ATOSA: variants seen among roughly 807,000 people sequenced by gnomAD.
ATOSA encodes atos homolog protein A.
the ATOSA span, among the ~76,000 whole-genome samples, chr15:52,661,816 T>C: frequency 6.6e-6 from 1 of 151,878 alleles, no homozygotes; most frequent in Non-Finnish European, 1.5e-5. Flanking sequence ...GGCATAGGTA[T>C]GTTCTTTACT....
the ATOSA span, among the ~76,000 whole-genome samples, chr15:52,602,307 T>C: frequency 6.6e-6 from 1 of 152,222 alleles, no homozygotes. Context: ...CTAAATTCCC[T>C]ATCTTTGCCT....
the ATOSA span, among the ~76,000 whole-genome samples, chr15:52,695,535 A>G: frequency 2.6e-5 from 4 of 152,318 alleles, 1 homozygote; most frequent in South Asian, 2.1e-4. Flanking sequence ...TCTATTGAGC[A>G]TCTACTTTGC....
At chr15:52,587,405 T>C in the ATOSA span, 23 of 513,588 alleles carry the variant, frequency 4.5e-5, no homozygotes, top group South Asian at 6.0e-4. Flanking sequence ...CTGTTCCTCC[T>C]GGTGATGTCG....
At chr15:52,701,945 T>C in the ATOSA span, among the ~76,000 whole-genome samples, 4 of 151,668 alleles carry the variant, frequency 2.6e-5, no homozygotes, top group Non-Finnish European at 5.9e-5. Context: ...ACTAAAAAAA[T>C]AAATTTTAAA....
chr15:52,586,845 G>T, the ATOSA span: 430 of 217,048 alleles, frequency 2.0e-3, 3 homozygotes, highest in East Asian at 0.023. Flanking sequence ...TCTCAATTTG[G>T]TTTATTAAAA....
At chr15:52,691,752 T>G in the ATOSA span, among the ~76,000 whole-genome samples, 315 of 152,194 alleles carry the variant, frequency 2.1e-3, 5 homozygotes, top group East Asian at 0.013. Context: ...GGAGGATCAC[T>G]TGAGCCCGGG....
the ATOSA span, among the ~76,000 whole-genome samples, chr15:52,635,158 C>G: frequency 6.6e-6 from 1 of 152,050 alleles, no homozygotes; most frequent in African/African-American, 2.4e-5. Flanking sequence ...AAGCAAAGAC[C>G]AATGGAATTT....
chr15:52,641,864 T>C, the ATOSA span, among the ~76,000 whole-genome samples: 1 of 152,216 alleles, frequency 6.6e-6, no homozygotes, highest in Non-Finnish European at 1.5e-5. Flanking sequence ...TTGATAAAGA[T>C]AACAATCAAG....
At chr15:52,643,157 T>G in the ATOSA span, among the ~76,000 whole-genome samples, 3 of 152,250 alleles carry the variant, frequency 2.0e-5, no homozygotes, top group Admixed American at 2.0e-4. Flanking sequence ...ATGAAAAAAT[T>G]TTGTGGTCAG....
the ATOSA span, among the ~76,000 whole-genome samples, chr15:52,646,695 A>G: frequency 6.6e-6 from 1 of 152,224 alleles, no homozygotes; most frequent in South Asian, 2.1e-4. Flanking sequence ...AGTTGCATCC[A>G]GTCTGTTTTA....
the ATOSA span, chr15:52,608,445 T>C: frequency 1.1e-6 from 1 of 903,570 alleles, no homozygotes; most frequent in East Asian, 2.7e-5. Context: ...TTTATTATTC[T>C]ATCAGACTGT....
At chr15:52,609,142 C>T in the ATOSA span, 2 of 1,613,532 alleles carry the variant, frequency 1.2e-6, no homozygotes, top group South Asian at 2.2e-5. Flanking sequence ...GATGATTTCA[C>T]TAGGATTGTT....
At chr15:52,613,976 A>T in the ATOSA span, 1 of 857,986 alleles carries the variant, frequency 1.2e-6, no homozygotes, top group African/African-American at 1.7e-5. Flanking sequence ...TAGAGTGAAA[A>T]TAATAAAAAT....
chr15:52,628,129 C>T, the ATOSA span, among the ~76,000 whole-genome samples: 1 of 152,136 alleles, frequency 6.6e-6, no homozygotes, highest in Non-Finnish European at 1.5e-5. Context: ...TCTAAAATGT[C>T]TCTTAGATAT....
the ATOSA span, chr15:52,601,108 G>T: frequency 5.2e-6 from 8 of 1,538,430 alleles, no homozygotes; most frequent in South Asian, 1.0e-4. Context: ...AAGCTTTTCA[G>T]ATGTAGTAAT....
At chr15:52,665,392 T>A in the ATOSA span, among the ~76,000 whole-genome samples, 1 of 152,256 alleles carries the variant, frequency 6.6e-6, no homozygotes, top group Non-Finnish European at 1.5e-5. Context: ...AATCAGATAG[T>A]AATTAGTCAT....
At chr15:52,605,288 A>G in the ATOSA span, 1 of 1,350,568 alleles carries the variant, frequency 7.4e-7, no homozygotes, top group African/African-American at 1.5e-5. Flanking sequence ...ATATTTAAAT[A>G]CCATTTAAAG....
chr15:52,650,429 C>T, the ATOSA span, among the ~76,000 whole-genome samples: 131,110 of 152,194 alleles, frequency 0.86, 56,899 homozygotes, highest in East Asian at 1. Flanking sequence ...TGTAGGTCTA[C>T]GTAAAACATT....
chr15:52,658,607 A>T, the ATOSA span: 4 of 396,478 alleles, frequency 1.0e-5, no homozygotes, highest in East Asian at 1.4e-4. Flanking sequence ...AACAAAACAA[A>T]CCATCAAACA....
Sources: allele counts gnomAD v4.1 joint callset (sites outside exome capture counted in the v4.1 genomes callset), GRCh38; gene constraint gnomAD v4.1.1; transcripts MANE v1.5; gene names NCBI Gene and HGNC (gene_info 2026-07-23, HGNC 2026-07-21).